PTPRD: variants seen among roughly 807,000 people sequenced by gnomAD.
PTPRD encodes protein tyrosine phosphatase receptor type D, also known as receptor-type tyrosine-protein phosphatase delta.
A neutral mutation model predicts 214.5 loss-of-function variants in PTPRD; 34 were observed. That is an observed-to-expected ratio of 0.16 (90% confidence interval 0.12 to 0.21). The LOEUF is 0.21. Among genes scored for constraint, PTPRD ranks in the 10% least tolerant of loss-of-function variants. PTPRD has a pLI of 1.00. For missense variants in PTPRD, 2,545 were observed against 2,398.7 expected (o/e 1.06, Z -1.27); for synonymous variants, 1,128 against 845.7 (o/e 1.33, Z -5.79).
intron 2 of PTPRD, among the ~76,000 whole-genome samples, chr9:10,486,900 G>GCCCA (rs2099136445): frequency 6.6e-6 from 1 of 152,128 alleles, no homozygotes; most frequent in African/African-American, 2.4e-5. Flanking sequence ...TGAATATGTG[G>GCCCA]TGTTGAAATC....
At chr9:9,034,686 C>T (rs1034232499) in intron 10 of PTPRD, among the ~76,000 whole-genome samples, 2 of 152,092 alleles carry the variant, frequency 1.3e-5, no homozygotes, top group Admixed American at 6.6e-5. Context: ...CCCGTGTTCA[C>T]ATCACAGCTC....
At chr9:8,726,584 A>T (rs2098563748) in intron 12 of PTPRD, among the ~76,000 whole-genome samples, 1 of 21,360 alleles carries the variant, frequency 4.7e-5, no homozygotes, top group Non-Finnish European at 8.9e-5. Context: ...AAAAAAAAAA[A>T]AAAAATATAT....
chr9:8,329,288 G>A (rs10976958), intron 44 of PTPRD, among the ~76,000 whole-genome samples: 7,439 of 152,184 alleles, frequency 0.049, 575 homozygotes, highest in African/African-American at 0.17. Flanking sequence ...CCTCTCTGCT[G>A]TAGGTTTGCT....
intron 3 of PTPRD, among the ~76,000 whole-genome samples, chr9:10,208,115 T>A (rs1246356466): frequency 2.6e-5 from 4 of 152,202 alleles, no homozygotes; most frequent in Admixed American, 2.0e-4. Flanking sequence ...ACAAAACCTA[T>A]GTAATGAGGA....
chr9:9,388,529 C>T (rs1165657085), intron 9 of PTPRD, among the ~76,000 whole-genome samples: 1 of 152,012 alleles, frequency 6.6e-6, no homozygotes, highest in Non-Finnish European at 1.5e-5. Flanking sequence ...TGTATGGTTA[C>T]CTTAGTTTTA....
chr9:10,330,001 T>G (rs2096720142), intron 3 of PTPRD, among the ~76,000 whole-genome samples: 1 of 151,880 alleles, frequency 6.6e-6, no homozygotes, highest in Admixed American at 6.6e-5. Context: ...GGATTAGGAA[T>G]AAAAGTTGGA....
chr9:8,886,532 A>C (rs1423619521), intron 11 of PTPRD, among the ~76,000 whole-genome samples: 3 of 152,232 alleles, frequency 2.0e-5, no homozygotes, highest in Non-Finnish European at 2.9e-5. Context: ...GGTTAAATGC[A>C]GTTAGGAAGA....
chr9:8,588,732 G>C (rs78887197), intron 14 of PTPRD, among the ~76,000 whole-genome samples: 1 of 152,016 alleles, frequency 6.6e-6, no homozygotes, highest in Non-Finnish European at 1.5e-5. Context: ...AAGAAAACCA[G>C]ACACTACTTG....
At chr9:9,845,894 G>T (rs192977643) in intron 5 of PTPRD, among the ~76,000 whole-genome samples, 112 of 152,146 alleles carry the variant, frequency 7.4e-4, no homozygotes, top group Admixed American at 1.3e-3. Context: ...ATGTCCAGAG[G>T]AAGTTAATGA....
In PTPRD at chr9:8,633,430, G is replaced by A. The variant is rs2154320817; in HGVS notation, c.239C>T (p.Ser80Leu). 6 of 1,612,496 alleles carry A rather than the reference G, an allele frequency of 3.7e-6. No individual in the cohort carries two copies. The highest frequency in any genetic ancestry group is 5.1e-6 in the Non-Finnish European group (6 of 1,179,006). Residue 80 changes from serine (S) to leucine (L), a missense_variant, in exon 14 of 46, where the codon TCA (serine) becomes TTA (leucine). Coordinates refer to ENST00000381196, the MANE Select transcript of PTPRD (RefSeq NM_002839.4). ...EVIEFDDGSG[S>L]VLRIQPLRTP... is the part of the protein sequence containing the mutation. ...CCGTAAGGGTTGTATTCTGAGAACTGATCCAGACCCATCGTCAAACTCTAT... is the reference window on the plus strand; with the variant it reads ...CCGTAAGGGTTGTATTCTGAGAACTAATCCAGACCCATCGTCAAACTCTAT...
At chr9:8,412,933 A>G (rs996888502) in intron 35 of PTPRD, among the ~76,000 whole-genome samples, 3 of 152,214 alleles carry the variant, frequency 2.0e-5, no homozygotes, top group African/African-American at 7.2e-5. Flanking sequence ...TCAGTACATA[A>G]GTAGATTCAA....
chr9:8,457,692 A>C (rs1394866332), intron 33 of PTPRD, among the ~76,000 whole-genome samples: 2 of 152,122 alleles, frequency 1.3e-5, no homozygotes, highest in East Asian at 1.9e-4. Flanking sequence ...GCAGAGATAT[A>C]TGATAAAGTG....
chr9:9,329,032 CT>C (rs1381207314), intron 9 of PTPRD, among the ~76,000 whole-genome samples: 1 of 151,896 alleles, frequency 6.6e-6, no homozygotes, highest in Non-Finnish European at 1.5e-5. Flanking sequence ...CTTTCTTTAT[CT>C]TTTTGTTCTT....
chr9:8,794,661 C>T (rs1363315885), intron 11 of PTPRD, among the ~76,000 whole-genome samples: 2 of 151,828 alleles, frequency 1.3e-5, no homozygotes, highest in Non-Finnish European at 2.9e-5. Context: ...AATTTGAGGG[C>T]AGCAACATAA....
At position 8,319,793 on chromosome 9, in the gene PTPRD, G is replaced by A. The variant is rs148730025; in HGVS notation, c.5670+38C>T. On this transcript the variant is annotated intron_variant, in intron 45 of 45. Coordinates refer to ENST00000381196, the MANE Select transcript of PTPRD (RefSeq NM_002839.4). The stretch of plus-strand genomic sequence containing the variant: ...GGGAGGTCCAGGCTAGCAAAACGTA[G>A]GCTCTTGAGATGCGAAAAATGCAAT... 336 of 1,610,074 alleles carry A rather than the reference G, an allele frequency of 2.1e-4. 2 individuals carry two copies. The East Asian group carries it at 7.0e-3, about 33-fold the overall frequency.
chr9:9,420,411 T>A (rs901705439), intron 8 of PTPRD, among the ~76,000 whole-genome samples: 1 of 151,842 alleles, frequency 6.6e-6, no homozygotes, highest in African/African-American at 2.4e-5. Flanking sequence ...TCCCCTATTG[T>A]TTATCATGAT....
rs139411424 is a variant in PTPRD, at chr9:10,121,453, G to C, written c.-544-87663C>G. On this transcript the variant is annotated intron_variant, in intron 3 of 45. Transcript: ENST00000381196. ...AAAGTGTTGTCATTGATAAGGGCAA[G>C]CCAGATTGGGCTGTAGATTCTACTA... 8.3e-4 allele frequency among the ~76,000 whole-genome samples: 126 copies of C among 152,284 alleles called. 1 individual carries two copies. In the East Asian group the frequency reaches 0.023, roughly 28 times the overall value.
At chr9:10,291,916 C>G (rs2154400805) in intron 3 of PTPRD, among the ~76,000 whole-genome samples, 1 of 152,166 alleles carries the variant, frequency 6.6e-6, no homozygotes, top group Middle Eastern at 3.4e-3. Context: ...GGGGAATTAT[C>G]TGAGTGGCAG....
At chr9:8,365,321 G>T (rs931664921) in intron 39 of PTPRD, among the ~76,000 whole-genome samples, 2 of 152,116 alleles carry the variant, frequency 1.3e-5, no homozygotes, top group African/African-American at 4.8e-5. Flanking sequence ...ATATTTTTGA[G>T]TTAGGATGTA....
Sources: allele counts gnomAD v4.1 joint callset (sites outside exome capture counted in the v4.1 genomes callset), GRCh38; gene constraint gnomAD v4.1.1; transcripts MANE v1.5; gene names NCBI Gene and HGNC (gene_info 2026-07-23, HGNC 2026-07-21).